The following SDK2 variants were observed in gnomAD, a reference collection of about 807,000 sequenced individuals.
SDK2 encodes the protein sidekick cell adhesion molecule 2.
SDK2 carries 105 observed loss-of-function variants against 253.9 expected under a neutral mutation model. The ratio of observed to expected loss-of-function variants is 0.41; its 90% CI spans 0.35 to 0.49. The LOEUF (loss-of-function observed/expected upper bound fraction) is 0.49, where lower values mean the gene tolerates loss of function less well. SDK2 is among the 20% of genes least tolerant of loss of function. The probability of loss-of-function intolerance (pLI) is 0.06; values close to 1 mark genes in which losing one functional copy is unlikely to be tolerated. For missense variants in SDK2, 2,608 were observed against 3,003.0 expected (o/e 0.87, Z 3.07); for synonymous variants, 1,249 against 1,234.9 (o/e 1.01, Z -0.24).
chr17:73,412,072 A>ATATATG (rs2063139159), intron 18 of SDK2, among the ~76,000 whole-genome samples: 1 of 42,660 alleles, frequency 2.3e-5, no homozygotes, highest in East Asian at 3.1e-4. Flanking sequence ...ATATATACGT[A>ATATATG]TATATGTATA....
chr17:73,442,610 G>A (rs1292977144), intron 5 of SDK2, among the ~76,000 whole-genome samples: 1 of 152,112 alleles, frequency 6.6e-6, no homozygotes, highest in Non-Finnish European at 1.5e-5. Context: ...CAAAGTGCTG[G>A]GATTATGGGT....
At chr17:73,463,068 A>G (rs1012184854) in intron 3 of SDK2, among the ~76,000 whole-genome samples, 2 of 152,158 alleles carry the variant, frequency 1.3e-5, no homozygotes, top group Admixed American at 1.3e-4. Flanking sequence ...GGGTGGAGAC[A>G]ATGACGGTGA....
chr17:73,559,608 C>CCCCCT (rs796687504), intron 1 of SDK2, among the ~76,000 whole-genome samples: 1 of 147,540 alleles, frequency 6.8e-6, no homozygotes, highest in African/African-American at 2.6e-5. Flanking sequence ...GCCCCCCGCC[C>CCCCCT]CCGCCACCAT....
chr17:73,617,188 G>C (rs1156787555), intron 1 of SDK2, among the ~76,000 whole-genome samples: 1 of 150,434 alleles, frequency 6.6e-6, no homozygotes, highest in African/African-American at 2.5e-5. Context: ...GGCTCCAGGG[G>C]AGGGGAGGGG....
chr17:73,610,426 C>T (rs1225828768), intron 1 of SDK2, among the ~76,000 whole-genome samples: 1 of 152,222 alleles, frequency 6.6e-6, no homozygotes, highest in Non-Finnish European at 1.5e-5. Context: ...CCATTTTGTT[C>T]TCAGCCTGAA....
intron 2 of SDK2, among the ~76,000 whole-genome samples, chr17:73,491,254 G>T (rs2063804511): frequency 1.3e-5 from 2 of 152,098 alleles, no homozygotes; most frequent in Admixed American, 6.6e-5. Flanking sequence ...TCTAGGACAA[G>T]CCCTGGCCCA....
At chr17:73,526,928 G>A (rs2064130537) in intron 1 of SDK2, among the ~76,000 whole-genome samples, 1 of 152,238 alleles carries the variant, frequency 6.6e-6, no homozygotes, top group Admixed American at 6.5e-5. Context: ...GACCTTTCCT[G>A]ATCAGTGAAC....
Position 73,379,682 on chromosome 17 carries a change from G to C in SDK2, c.4763-133C>G, listed in dbSNP as rs2145468298. The C allele has an allele frequency of 1.6e-6, 1 of 626,404 alleles. No homozygotes were observed. Among genetic ancestry groups the C allele is most frequent in the South Asian group, 2.0e-5 (1 of 51,014 alleles). 38.8% of individuals were successfully genotyped at this position (626,404 alleles called of 1,614,324 possible). A position where few individuals can be genotyped will look rare whatever the true frequency, so the allele number is the denominator to read the frequency against. ...CCATTCTAGCCCCCTCTGTGAAGGTGCATGAAGGAGGAGGTGAGAGGCGGG... is the reference window on the plus strand; with the variant it reads ...CCATTCTAGCCCCCTCTGTGAAGGTCCATGAAGGAGGAGGTGAGAGGCGGG... On this transcript the variant is annotated intron_variant, in intron 34 of 44. Transcript: ENST00000392650. This position sits in a 1 kb window ranked among gnomAD's most constrained non-coding sequence, Gnocchi z 4.5.
At chr17:73,365,842 A>G (rs2062680037) in intron 37 of SDK2, among the ~76,000 whole-genome samples, 1 of 152,068 alleles carries the variant, frequency 6.6e-6, no homozygotes, top group Admixed American at 6.5e-5. Flanking sequence ...AAGACACCAG[A>G]ACCACAGCAG....
chr17:73,423,526 G>T lies in SDK2; in HGVS notation c.1761-4C>A, dbSNP rs761531951. ...CTCGGGCGCGTGGGGCAGTTGCCTG[G>T]AAAAGAGACACGTGGTCAGGCATCC... On this transcript the variant is annotated splice_region_variant and splice_polypyrimidine_tract_variant and intron_variant, in intron 13 of 44. Coordinates refer to ENST00000392650, the MANE Select transcript of SDK2 (RefSeq NM_001144952.2). 9 of 1,547,592 alleles carry T rather than the reference G, an allele frequency of 5.8e-6. No homozygotes were observed. Among genetic ancestry groups the T allele is most frequent in the Non-Finnish European group, 7.9e-6 (9 of 1,143,880 alleles).
intron 41 of SDK2, among the ~76,000 whole-genome samples, chr17:73,351,298 C>T (rs1177509416): frequency 2.6e-5 from 4 of 152,088 alleles, no homozygotes; most frequent in Non-Finnish European, 4.4e-5. Flanking sequence ...TTAGTAGACA[C>T]GGGGTTTCAC....
At chr17:73,400,096 A>C (rs550227526) in intron 21 of SDK2, among the ~76,000 whole-genome samples, 10 of 152,306 alleles carry the variant, frequency 6.6e-5, no homozygotes, top group Non-Finnish European at 1.0e-4. Context: ...TCTACGCAGC[A>C]GGTGGAGGGA....
chr17:73,379,547 G>C lies in SDK2; in HGVS notation c.4765C>G (p.Leu1589Val). ...ATCTCGTACCGCCTGTGCTTGTTCAGGTCTGTGGGGGAGAGTGGGGGAGGG... is the reference window on the plus strand; with the variant it reads ...ATCTCGTACCGCCTGTGCTTGTTCACGTCTGTGGGGGAGAGTGGGGGAGGG... ...PSLTQYELDN[L>V]NKHRRYEIRM... Residue 1589 changes from leucine to valine, a missense_variant and splice_region_variant, in exon 35 of 45, where the codon CTG becomes GTG. Physicochemically the swap from Leu to Val is conservative, Grantham distance 32. This residue lies in a region of SDK2 where 1,103 missense variants were observed against 1,143.9 expected (regional missense o/e 0.96). Coordinates refer to ENST00000392650, the MANE Select transcript of SDK2 (RefSeq NM_001144952.2). This position sits in a 1 kb window ranked among gnomAD's most constrained non-coding sequence, Gnocchi z 4.5. The C allele has an allele frequency of 1.2e-6, 2 of 1,604,244 alleles. No individual in the cohort carries two copies. The highest frequency in any genetic ancestry group is 1.7e-6 in the Non-Finnish European group (2 of 1,172,944).
In SDK2 at chr17:73,352,487, G is replaced by A; in HGVS notation, c.5744C>T (p.Ser1915Phe). ...CAGGCCGGTACCTGGCACAGACTGG[G>A]AGGGGCTGCTGGGGGTGCCGAAACC... The part of the protein sequence containing the change: ...DYGFGTPSSP[S>F]QSVPAQKANP... Residue 1915 changes from serine (S) to phenylalanine (F), a missense_variant, in exon 41 of 45, where the codon TCC becomes TTC. By Grantham distance (155) the Ser-to-Phe change is radical (BLOSUM62 -2). Transcript: ENST00000392650. This position sits in a 1 kb window ranked among gnomAD's most constrained non-coding sequence, Gnocchi z 4.1. 6.2e-7 allele frequency: 1 copy of A among 1,613,318 alleles called. No homozygotes were observed. The highest frequency in any genetic ancestry group is 8.5e-7 in the Non-Finnish European group (1 of 1,179,664).
At chr17:73,450,409 A>G (rs902820289) in intron 4 of SDK2, among the ~76,000 whole-genome samples, 9 of 152,296 alleles carry the variant, frequency 5.9e-5, no homozygotes, top group Admixed American at 5.2e-4. Flanking sequence ...CACCCCGCAG[A>G]CCGGGACATG....
chr17:73,394,422 C>G, intron 25 of SDK2, 98 bp from the exon 26 acceptor site: 2 of 622,226 alleles, frequency 3.2e-6, no homozygotes, highest in Non-Finnish European at 5.0e-6. Flanking sequence ...GGGGCCAGCT[C>G]GATGTTGCCT....
intron 1 of SDK2, among the ~76,000 whole-genome samples, chr17:73,545,098 C>T (rs536434024): frequency 3.0e-5 from 4 of 133,416 alleles, no homozygotes; most frequent in African/African-American, 9.7e-5. Context: ...TGCACGTGCA[C>T]GCACACACAC....
At chr17:73,573,911 T>A (rs988972900) in intron 1 of SDK2, among the ~76,000 whole-genome samples, 5 of 152,174 alleles carry the variant, frequency 3.3e-5, no homozygotes, top group African/African-American at 1.2e-4. Flanking sequence ...CGGGCCTTGC[T>A]CTCAGGGGCC....
intron 15 of SDK2, among the ~76,000 whole-genome samples, 174 bp from the exon 16 acceptor site, chr17:73,419,480 T>C (rs981073836): frequency 1.3e-5 from 2 of 152,110 alleles, no homozygotes; most frequent in Non-Finnish European, 2.9e-5. Context: ...AGAATTATAA[T>C]AAAGCTCTAC....
Sources: gnomAD v4.1 joint callset for allele counts (sites outside exome capture counted in the v4.1 genomes callset) on GRCh38, gnomAD v4.1.1 for gene constraint, gnomAD v4.1.1 regional missense constraint, Gnocchi (gnomAD v3.1) non-coding constraint, MANE v1.5 for transcripts, NCBI Gene and HGNC (gene_info 2026-07-23, HGNC 2026-07-21) for gene names.